The following CDK2AP1 variants were observed in gnomAD, a reference collection of about 807,000 sequenced individuals.
CDK2AP1 encodes the protein cyclin dependent kinase 2 associated protein 1.
Under a neutral mutation model 14.1 loss-of-function variants are expected in CDK2AP1, and 10 were observed. That is an observed-to-expected ratio of 0.71 (90% confidence interval 0.44 to 1.20). CDK2AP1 has a LOEUF of 1.20. Among genes scored for constraint, CDK2AP1 ranks in the 50% most tolerant of loss-of-function variants. The pLI is 0.00. For synonymous variants in CDK2AP1, 59 were observed against 59.8 expected (o/e 0.99, Z 0.06); for missense variants, 102 against 149.9 (o/e 0.68, Z 1.67).
chr12:123,270,516 C>A (rs2048344508), intron 1 of CDK2AP1, among the ~76,000 whole-genome samples: 2 of 152,170 alleles, frequency 1.3e-5, no homozygotes, highest in African/African-American at 4.8e-5. Flanking sequence ...CATCCCGCCC[C>A]GCAACACAAC....
rs867488313 is a variant in CDK2AP1, at chr12:123,262,073, C to T, written c.281-270G>A. The T allele has an allele frequency of 1.7e-5, 6 of 358,272 alleles. 1 individual carries two copies. The highest frequency in any genetic ancestry group is 1.2e-4 in the South Asian group (2 of 17,028). 22.2% of individuals were successfully genotyped at this position (358,272 alleles called of 1,614,324 possible). A position where few individuals can be genotyped will look rare whatever the true frequency, so the allele number is the denominator to read the frequency against. On this transcript the variant is annotated intron_variant, in intron 3 of 3. Transcript: ENST00000261692. ...GGTGCACCAGCAAGCTGTCCTTCCA[C>T]GACACTGTTGGATGAAAGACATGTC...
At chr12:123,263,430 G>A (rs527606448) in intron 3 of CDK2AP1, among the ~76,000 whole-genome samples, 3 of 152,226 alleles carry the variant, frequency 2.0e-5, no homozygotes, top group South Asian at 4.1e-4. Flanking sequence ...CAGTTTGTAC[G>A]CATTTGCTGA....
Position 123,262,997 on chromosome 12 carries a change from T to C in CDK2AP1, c.281-1194A>G, listed in dbSNP as rs187923074. Among the ~76,000 whole-genome samples the C allele has an allele frequency of 2.2e-4, 34 of 151,974 alleles. No individual in the cohort carries two copies. In the East Asian group the frequency reaches 5.8e-3, roughly 26 times the overall value. On this transcript the variant is annotated intron_variant, in intron 3 of 3. Transcript: ENST00000261692. ...CGGAGGCCGGGGCGGGTTGCCCACT[T>C]GAGGTCAGGAGTTTGAGACCAGCCT... is the stretch of plus-strand genomic sequence containing the variant.
intron 1 of CDK2AP1, 119 bp from the exon 2 acceptor site, chr12:123,267,401 G>A (rs948977479): frequency 4.3e-6 from 3 of 691,372 alleles, no homozygotes; most frequent in Non-Finnish European, 8.0e-6. Flanking sequence ...GCAGGATGGA[G>A]AACCCTGCTC....
intron 3 of CDK2AP1, among the ~76,000 whole-genome samples, chr12:123,264,033 C>T (rs1452857071): frequency 6.6e-6 from 1 of 151,774 alleles, no homozygotes; most frequent in Non-Finnish European, 1.5e-5. Context: ...TGTTTGAACC[C>T]GGGAGGCGGA....
chr12:123,265,450 C>T lies in CDK2AP1; in HGVS notation c.154-128G>A. On this transcript the variant is annotated intron_variant, in intron 2 of 3. Coordinates refer to ENST00000261692, the MANE Select transcript of CDK2AP1 (RefSeq NM_004642.4). This position sits in a 1 kb window ranked among gnomAD's most constrained non-coding sequence, Gnocchi z 5.3. Reference sequence around the variant, plus strand: ...CCCAGGAGGTGGAAGTTGCAGTGAGCCAAGATCACTCCACTGCACTCCAGC... The same window carrying T: ...CCCAGGAGGTGGAAGTTGCAGTGAGTCAAGATCACTCCACTGCACTCCAGC... 1 of 801,366 alleles carries T rather than the reference C, an allele frequency of 1.2e-6. No individual in the cohort carries two copies. 49.6% of individuals were successfully genotyped at this position (801,366 alleles called of 1,614,324 possible). A position where few individuals can be genotyped will look rare whatever the true frequency, so the allele number is the denominator to read the frequency against.
chr12:123,269,630 CG>C (rs1042524057), intron 1 of CDK2AP1, among the ~76,000 whole-genome samples: 24 of 151,592 alleles, frequency 1.6e-4, no homozygotes, highest in African/African-American at 5.1e-4. Context: ...ACAAAGAGCG[CG>C]GGGCCTGGGG....
At chr12:123,267,496 G>A (rs901259649) in intron 1 of CDK2AP1, 28 of 502,898 alleles carry the variant, frequency 5.6e-5, no homozygotes, top group Non-Finnish European at 8.4e-5. Context: ...TGCAGCAGCC[G>A]CTGGTCCTCA....
rs574785573 is a variant in CDK2AP1 at position 123,267,267 on chromosome 12, G to A, written c.71C>T (p.Ser24Leu). The change falls in exon 2 of 4, where the codon TCG becomes TTG. Residue 24 changes from serine to leucine, a missense_variant. Ser to Leu is a moderately radical substitution (Grantham distance 145, BLOSUM62 -2). Coordinates refer to ENST00000261692, the MANE Select transcript of CDK2AP1 (RefSeq NM_004642.4). ...AALNAAGSVH[S>L]PSTSMATSSQ... ...AGACGTTGCCATGCTGGTGGAAGGCGAGTGGACACTCCCAGCTGTGGGGTG... is the reference window on the plus strand; with the variant it reads ...AGACGTTGCCATGCTGGTGGAAGGCAAGTGGACACTCCCAGCTGTGGGGTG... The A allele has an allele frequency of 9.3e-6, 15 of 1,610,870 alleles. No homozygotes were observed. Among genetic ancestry groups the A allele is most frequent in the Admixed American group, 1.7e-5 (1 of 59,998 alleles).
Position 123,265,426 on chromosome 12 carries a change from C to T in CDK2AP1, c.154-104G>A. On this transcript the variant is annotated intron_variant, in intron 2 of 3. Coordinates refer to ENST00000261692, the MANE Select transcript of CDK2AP1 (RefSeq NM_004642.4). This position sits in a 1 kb window ranked among gnomAD's most constrained non-coding sequence, Gnocchi z 5.3. ...GCTGAGGCAGGAGAACTGCTTGGAC[C>T]CAGGAGGTGGAAGTTGCAGTGAGCC... The T allele has an allele frequency of 1.8e-6, 2 of 1,129,804 alleles. No homozygotes were observed. The highest frequency in any genetic ancestry group is 1.8e-5 in the Admixed American group (1 of 55,124). 70.0% of individuals were successfully genotyped at this position (1,129,804 alleles called of 1,614,324 possible).
In CDK2AP1 at chr12:123,271,718, T is replaced by A; in HGVS notation, c.-100A>T. 9.8e-6 allele frequency: 3 copies of A among 306,116 alleles called. No individual in the cohort carries two copies. Among genetic ancestry groups the A allele is most frequent in the Non-Finnish European group, 1.4e-5 (3 of 213,796 alleles). The allele number at this position is 306,116 out of a possible 1,614,324, so 19.0% of individuals were successfully genotyped here. A position where few individuals can be genotyped will look rare whatever the true frequency, so the allele number is the denominator to read the frequency against. ...CGGTAGCGCTGCAGCCCCGCGCCCG[T>A]CCGAGCGCCCGCCGAGCGCCCGCGC... On this transcript the variant is annotated 5_prime_UTR_variant, in exon 1 of 4. Coordinates refer to ENST00000261692, the MANE Select transcript of CDK2AP1 (RefSeq NM_004642.4).
In CDK2AP1 at chr12:123,265,139, T is replaced by TC; in HGVS notation, c.280+56dup. On this transcript the variant is annotated intron_variant, in intron 3 of 3. Coordinates refer to ENST00000261692, the MANE Select transcript of CDK2AP1 (RefSeq NM_004642.4). This position sits in a 1 kb window ranked among gnomAD's most constrained non-coding sequence, Gnocchi z 5.3. ...TTCCCACATTTTCCCCAAAAGTCTT[T>TC]CCAGAGTTAAAGGTCTAGCACTGTG... 1 of 1,604,908 alleles carries TC rather than the reference T, an allele frequency of 6.2e-7. No individual in the cohort carries two copies. The highest frequency in any genetic ancestry group is 8.5e-7 in the Non-Finnish European group (1 of 1,173,654).
intron 1 of CDK2AP1, 152 bp downstream of exon 1, chr12:123,271,412 G>A: frequency 3.9e-6 from 1 of 254,498 alleles, no homozygotes; most frequent in Non-Finnish European, 6.1e-6. Context: ...GCGGGCTCGG[G>A]AATCATGGCG....
chr12:123,270,976 C>G (rs1439988618), intron 1 of CDK2AP1: 1 of 985,028 alleles, frequency 1.0e-6, no homozygotes, highest in Non-Finnish European at 1.2e-6. Context: ...CGCTGCCCGC[C>G]GGCGACCCCA....
chr12:123,267,057 C>A, intron 2 of CDK2AP1, 128 bp downstream of exon 2: 1 of 701,246 alleles, frequency 1.4e-6, no homozygotes, highest in South Asian at 1.6e-5. Flanking sequence ...CAGCCAGGGC[C>A]TTGGGCTGAG....
intron 1 of CDK2AP1, chr12:123,270,349 C>G (rs1263939889): frequency 1.6e-5 from 3 of 182,140 alleles, no homozygotes; most frequent in African/African-American, 7.2e-5. Context: ...CCTCAGTGTC[C>G]AAGATTTTTT....
intron 1 of CDK2AP1, chr12:123,268,341 G>A: frequency 3.7e-6 from 2 of 536,420 alleles, no homozygotes; most frequent in Non-Finnish European, 4.8e-6. Flanking sequence ...GAGGAGGAAG[G>A]AAGTTCAGGG....
chr12:123,268,320 G>T, intron 1 of CDK2AP1: 1 of 775,880 alleles, frequency 1.3e-6, no homozygotes, highest in Non-Finnish European at 1.6e-6. Flanking sequence ...GTGTGGGTGA[G>T]GGGAGGGGCA....
intron 1 of CDK2AP1, among the ~76,000 whole-genome samples, chr12:123,269,703 C>T (rs2048336137): frequency 6.6e-6 from 1 of 152,176 alleles, no homozygotes; most frequent in African/African-American, 2.4e-5. Flanking sequence ...GAGGCGGGGG[C>T]TTTGTCTAAC....
Sources: gnomAD v4.1 joint callset for allele counts (sites outside exome capture counted in the v4.1 genomes callset) on GRCh38, gnomAD v4.1.1 for gene constraint, Gnocchi (gnomAD v3.1) non-coding constraint, MANE v1.5 for transcripts, NCBI Gene and HGNC (gene_info 2026-07-23, HGNC 2026-07-21) for gene names.